The following RUNDC3B variants were observed in gnomAD, a reference collection of about 807,000 sequenced individuals.
The protein encoded by RUNDC3B is RUN domain-containing protein 3B.
In RUNDC3B, 33 loss-of-function variants were observed where a neutral mutation model predicts 58.4. The observed-to-expected ratio is 0.56, with a 90% confidence interval of 0.43 to 0.75. The LOEUF (loss-of-function observed/expected upper bound fraction) is 0.75. Ranked by LOEUF, RUNDC3B falls within the 30% of genes least tolerant of loss-of-function variation. The probability of loss-of-function intolerance (pLI) is 0.00; values close to 1 mark genes in which losing one functional copy is unlikely to be tolerated. For missense variants in RUNDC3B, 501 were observed against 535.7 expected (o/e 0.94, Z 0.64); for synonymous variants, 193 against 195.2 (o/e 0.99, Z 0.10).
intron 2 of RUNDC3B, among the ~76,000 whole-genome samples, chr7:87,683,815 G>A (rs561485241): frequency 7.0e-4 from 107 of 152,308 alleles, no homozygotes; most frequent in Admixed American, 1.5e-3. Context: ...CTTGCTGGAT[G>A]CAAGGTTGAC....
At chr7:87,772,289 C>T (rs1052060731) in intron 7 of RUNDC3B, among the ~76,000 whole-genome samples, 9 of 151,248 alleles carry the variant, frequency 6.0e-5, no homozygotes, top group East Asian at 1.9e-4. Flanking sequence ...TTCTCGAGAG[C>T]CTATACAAGC....
chr7:87,783,179 ATGTGTG>A (rs372043739), intron 8 of RUNDC3B, among the ~76,000 whole-genome samples: 2 of 148,798 alleles, frequency 1.3e-5, no homozygotes, highest in South Asian at 2.1e-4. Context: ...GTGTTTGTGT[ATGTGTG>A]TGTGTGTGTG....
intron 8 of RUNDC3B, among the ~76,000 whole-genome samples, chr7:87,796,406 C>T (rs1259887909): frequency 2.6e-5 from 4 of 151,910 alleles, no homozygotes; most frequent in Non-Finnish European, 4.4e-5. Context: ...GATAGTACAA[C>T]AGATTATAGT....
intron 2 of RUNDC3B, among the ~76,000 whole-genome samples, chr7:87,689,133 T>C (rs75908080): frequency 0.01 from 1,565 of 152,152 alleles, 30 homozygotes; most frequent in African/African-American, 0.036. Context: ...GATGATACTA[T>C]GAAAAGAGTT....
intron 9 of RUNDC3B, among the ~76,000 whole-genome samples, chr7:87,809,450 G>A (rs1332596996): frequency 6.6e-6 from 1 of 152,126 alleles, no homozygotes; most frequent in East Asian, 1.9e-4. Flanking sequence ...GTAACACTGA[G>A]CAATACTTCC....
At chr7:87,808,831 A>G (rs1235051196) in intron 9 of RUNDC3B, among the ~76,000 whole-genome samples, 1 of 152,122 alleles carries the variant, frequency 6.6e-6, no homozygotes, top group Non-Finnish European at 1.5e-5. Flanking sequence ...TTATGATTGA[A>G]AAATTAAATT....
Position 87,832,091 on chromosome 7 carries a change from C to T in RUNDC3B, c.*2061C>T, listed in dbSNP as rs1012765121. Reference sequence around the variant, plus strand: ...TATAAAATCAGGTTTCTACAGAGTTCGTTTCACACTAAAGGTAGTTTGTTA... The same window carrying T: ...TATAAAATCAGGTTTCTACAGAGTTTGTTTCACACTAAAGGTAGTTTGTTA... On this transcript the variant is annotated 3_prime_UTR_variant, in exon 11 of 11. Coordinates refer to ENST00000394654, the MANE Select transcript of RUNDC3B (RefSeq NM_001134405.2). The T allele has an allele frequency of 2.0e-5, 3 of 151,804 alleles. No individual in the cohort carries two copies. Among genetic ancestry groups the T allele is most frequent in the African/African-American group, 7.3e-5 (3 of 41,368 alleles). 9.4% of individuals were successfully genotyped at this position (151,804 alleles called of 1,614,324 possible). A position where few individuals can be genotyped will look rare whatever the true frequency, so the allele number is the denominator to read the frequency against.
intron 3 of RUNDC3B, among the ~76,000 whole-genome samples, chr7:87,708,032 A>G (rs1045594051): frequency 6.6e-6 from 1 of 152,142 alleles, no homozygotes; most frequent in Non-Finnish European, 1.5e-5. Context: ...ATAGGCTTAA[A>G]TAGGCTTTTG....
chr7:87,804,364 C>T (rs1238382611), intron 8 of RUNDC3B, among the ~76,000 whole-genome samples: 1 of 152,120 alleles, frequency 6.6e-6, no homozygotes, highest in Non-Finnish European at 1.5e-5. Context: ...GAACCTGCCT[C>T]ATAGTTAGGC....
At chr7:87,802,480 G>A (rs1836222765) in intron 8 of RUNDC3B, among the ~76,000 whole-genome samples, 1 of 152,124 alleles carries the variant, frequency 6.6e-6, no homozygotes, top group South Asian at 2.1e-4. Context: ...AAATTAGAAA[G>A]AATAAGACCT....
chr7:87,823,310 C>G (rs1837596434), intron 10 of RUNDC3B, among the ~76,000 whole-genome samples: 1 of 152,106 alleles, frequency 6.6e-6, no homozygotes, highest in Admixed American at 6.6e-5. Flanking sequence ...CCATCCAAGT[C>G]ACATAGCCCT....
chr7:87,758,010 G>T (rs1381073502), intron 6 of RUNDC3B, among the ~76,000 whole-genome samples: 2 of 152,124 alleles, frequency 1.3e-5, no homozygotes, highest in Non-Finnish European at 2.9e-5. Flanking sequence ...AAATCAAAAT[G>T]CATTAAAGAC....
intron 2 of RUNDC3B, among the ~76,000 whole-genome samples, chr7:87,662,058 G>A (rs1824765337): frequency 6.6e-6 from 1 of 152,008 alleles, no homozygotes; most frequent in Admixed American, 6.6e-5. Context: ...CTTCTTTTGA[G>A]AAACATCTAT....
chr7:87,724,898 TG>T (rs1831122219), intron 4 of RUNDC3B, among the ~76,000 whole-genome samples: 1 of 152,068 alleles, frequency 6.6e-6, no homozygotes, highest in South Asian at 2.1e-4. Context: ...AATTTACTTT[TG>T]TTTTTGAGTG....
intron 1 of RUNDC3B, among the ~76,000 whole-genome samples, chr7:87,632,984 C>T (rs1275677777): frequency 1.3e-5 from 2 of 152,038 alleles, no homozygotes; most frequent in East Asian, 1.9e-4. Flanking sequence ...GTGATAAGCA[C>T]GGTGGAGACA....
At position 87,777,941 on chromosome 7, in the gene RUNDC3B, G is replaced by T. The variant is rs143228485; in HGVS notation, c.942G>T (p.Glu314Asp). ...EKEQLEYIIV[E>D]LQDQLTVLKN... ...AACAATTAGAATATATAATTGTGGAGCTTCAAGATCAGCTGTAAGTACAAG... is the reference window on the plus strand; with the variant it reads ...AACAATTAGAATATATAATTGTGGATCTTCAAGATCAGCTGTAAGTACAAG... Residue 314 changes from glutamate (E) to aspartate (D), a missense_variant, in exon 8 of 11, where the codon GAG (glutamate) becomes GAT (aspartate). Physicochemically the swap from Glu to Asp is conservative, Grantham distance 45 (BLOSUM62 2). Coordinates refer to ENST00000394654, the MANE Select transcript of RUNDC3B (RefSeq NM_001134405.2). 6.2e-7 allele frequency: 1 copy of T among 1,612,634 alleles called. No homozygotes were observed. Among genetic ancestry groups the T allele is most frequent in the African/African-American group, 1.3e-5 (1 of 74,960 alleles).
At chr7:87,712,409 G>A (rs1313642280) in intron 4 of RUNDC3B, among the ~76,000 whole-genome samples, 3 of 151,960 alleles carry the variant, frequency 2.0e-5, no homozygotes, top group South Asian at 2.1e-4. Flanking sequence ...ACAAAGAATC[G>A]TATCAGAATC....
chr7:87,654,674 A>G (rs552612280), intron 2 of RUNDC3B, among the ~76,000 whole-genome samples: 3 of 152,202 alleles, frequency 2.0e-5, no homozygotes, highest in East Asian at 1.9e-4. Flanking sequence ...GGGTGATGAC[A>G]TTTTTGGATT....
chr7:87,793,414 C>G (rs1227527133), intron 8 of RUNDC3B, among the ~76,000 whole-genome samples: 3 of 152,034 alleles, frequency 2.0e-5, no homozygotes, highest in Non-Finnish European at 4.4e-5. Flanking sequence ...AACATTGATG[C>G]AGAAATCCTC....
Sources: gnomAD v4.1 joint callset for allele counts (sites outside exome capture counted in the v4.1 genomes callset) on GRCh38, gnomAD v4.1.1 for gene constraint, MANE v1.5 for transcripts, NCBI Gene and HGNC (gene_info 2026-07-23, HGNC 2026-07-21) for gene names.